Variants in IFFO2 observed in about 807,000 individuals in gnomAD.
IFFO2 encodes the protein intermediate filament family orphan 2.
IFFO2 carries 19 observed loss-of-function variants against 53.5 expected under a neutral mutation model. That is an observed-to-expected ratio of 0.36 (90% CI 0.25 to 0.52). The LOEUF is 0.52. Ranked by LOEUF, IFFO2 falls within the 20% of genes least tolerant of loss-of-function variation. The pLI is 0.94. For missense variants in IFFO2, 570 were observed against 727.4 expected (o/e 0.78, Z 2.49); for synonymous variants, 303 against 313.6 (o/e 0.97, Z 0.36).
rs937659143 is a variant in IFFO2 at position 18,955,781 on chromosome 1, C to T, written c.552G>A (p.Ser184=). Residue 184 remains serine, a synonymous_variant, in exon 1 of 9, where the codon TCG becomes TCA. Transcript: ENST00000455833. ...CGCCCACGCCGTCGGGGTGCACCCA[C>T]GACACGCCGGGGCCCTGCACGGTCT... ...GVETVQGPGV[S]WVHPDGVGVQ... 4.5e-6 allele frequency: 7 copies of T among 1,550,970 alleles called. No homozygotes were observed. The East Asian group carries it at 1.7e-4, about 38-fold the overall frequency.
At chr1:18,926,304 C>T (rs968970299) in intron 1 of IFFO2, among the ~76,000 whole-genome samples, 1 of 152,194 alleles carries the variant, frequency 6.6e-6, no homozygotes, top group Admixed American at 6.5e-5. Context: ...TTCATCCATT[C>T]GGCTCCAGAG....
intron 1 of IFFO2, among the ~76,000 whole-genome samples, chr1:18,953,173 C>T (rs896574726): frequency 9.9e-5 from 15 of 152,200 alleles, no homozygotes; most frequent in Admixed American, 9.8e-4. Context: ...AGGCAGACAC[C>T]TGGGTCTCAT....
chr1:18,943,400 T>C (rs1360464279), intron 1 of IFFO2, among the ~76,000 whole-genome samples: 1 of 151,992 alleles, frequency 6.6e-6, no homozygotes, highest in African/African-American at 2.4e-5. Flanking sequence ...TCTTTCCATA[T>C]AAAAACATGT....
intron 1 of IFFO2, among the ~76,000 whole-genome samples, chr1:18,924,490 G>A (rs1259197045): frequency 6.6e-6 from 1 of 152,238 alleles, no homozygotes; most frequent in Non-Finnish European, 1.5e-5. Context: ...CTGCCACCAA[G>A]AGGCGGGTGC....
chr1:18,911,543 A>ATTTC, intron 6 of IFFO2, 67 bp from the exon 7 acceptor site: 1 of 729,636 alleles, frequency 1.4e-6, no homozygotes, highest in Non-Finnish European at 1.9e-6. Context: ...TTATTTATTT[A>ATTTC]TTTATTTATT....
chr1:18,913,893 C>CAT (rs1557638702), intron 5 of IFFO2, among the ~76,000 whole-genome samples: 1 of 152,122 alleles, frequency 6.6e-6, no homozygotes, highest in Non-Finnish European at 1.5e-5. Context: ...TGCAGTGGTG[C>CAT]GATCTCGGCT....
rs1935913107 is a variant in IFFO2, at chr1:18,904,363, C to T, written c.*4198G>A. ...ATGATATTTACAACAGTACAGTAAA[C>T]AGGTTGGTTTCCGGTAGGATCAGTA... On this transcript the variant is annotated 3_prime_UTR_variant, in exon 9 of 9. Coordinates refer to ENST00000455833, the MANE Select transcript of IFFO2 (RefSeq NM_001136265.2). 6.6e-6 allele frequency: 1 copy of T among 152,154 alleles called. No individual in the cohort carries two copies. Among genetic ancestry groups the T allele is most frequent in the African/African-American group, 2.4e-5 (1 of 41,400 alleles). The allele number at this position is 152,154 out of a possible 1,614,324, so 9.4% of individuals were successfully genotyped here.
At chr1:18,909,895 G>A (rs1936009207) in intron 8 of IFFO2, among the ~76,000 whole-genome samples, 1 of 152,156 alleles carries the variant, frequency 6.6e-6, no homozygotes, top group Non-Finnish European at 1.5e-5. Flanking sequence ...ACCACGCCCA[G>A]CCTCAGGCAA....
rs138315759 is a variant in IFFO2, at chr1:18,945,310, C to T, written c.665+10358G>A. On this transcript the variant is annotated intron_variant, in intron 1 of 8. Transcript: ENST00000455833. ...CTTTCCCTAAATCTTCCACTACCAC[C>T]CCCCAAGATGGCCTTCTGCCTATTG... 1.4e-3 allele frequency among the ~76,000 whole-genome samples: 209 copies of T among 152,160 alleles called. 4 individuals carry two copies. In the East Asian group the frequency reaches 0.038, roughly 28 times the overall value.
In IFFO2 at chr1:18,917,013, C is replaced by T; in HGVS notation, c.993G>A (p.Val331=). Residue 331 remains valine, a synonymous_variant, in exon 5 of 9, where the codon GTG becomes GTA. Transcript: ENST00000455833. This position sits in a 1 kb window ranked among gnomAD's most constrained non-coding sequence, Gnocchi z 5.9. ...GCTCAGAGATGTCATCATCGGAAGCCACCTTACGCTCTTTCTTTTTGGGGA... is the reference window on the plus strand; with the variant it reads ...GCTCAGAGATGTCATCATCGGAAGCTACCTTACGCTCTTTCTTTTTGGGGA... ...QVVPKKKERK[V]ASDDDISEQD... is the part of the protein sequence containing the mutation. 6.4e-6 allele frequency: 10 copies of T among 1,552,300 alleles called. No homozygotes were observed. The highest frequency in any genetic ancestry group is 7.8e-6 in the Non-Finnish European group (9 of 1,147,136).
At position 18,956,279 on chromosome 1, in the gene IFFO2, C is replaced by G; in HGVS notation, c.54G>C (p.Pro18=). ...CAGGGCAGCCCCCGCCGCCGCCGCC[C>G]GGCGGGCAGCCGAAGGCCAAGGCCA... is the stretch of plus-strand genomic sequence containing the variant. ...GEMALAFGCP[P]GGGGGGCPGG... is the part of the protein sequence containing the mutation. Residue 18 remains proline (P), a synonymous_variant, in exon 1 of 9, where the codon CCG becomes CCC. Transcript: ENST00000455833. The surrounding 1 kb of genome is among the most constrained non-coding windows in gnomAD (Gnocchi z 6.4). The G allele has an allele frequency of 1.3e-6, 1 of 798,090 alleles. No individual in the cohort carries two copies. The highest frequency in any genetic ancestry group is 1.6e-6 in the Non-Finnish European group (1 of 636,656). 49.4% of individuals were successfully genotyped at this position (798,090 alleles called of 1,614,324 possible).
rs1046240976 is a variant in IFFO2 at position 18,917,745 on chromosome 1, G to A, written c.963+617C>T. ...CGGAGAATGACATGTGCCTCATTCG[G>A]CTGGACTGGCCCCCCAAGCCCTCTC... On this transcript the variant is annotated intron_variant, in intron 4 of 8. Coordinates refer to ENST00000455833, the MANE Select transcript of IFFO2 (RefSeq NM_001136265.2). This position sits in a 1 kb window ranked among gnomAD's most constrained non-coding sequence, Gnocchi z 5.9. Among the ~76,000 whole-genome samples the A allele has an allele frequency of 2.0e-5, 3 of 151,932 alleles. No individual in the cohort carries two copies. The highest frequency in any genetic ancestry group is 6.5e-5 in the Admixed American group (1 of 15,276).
At chr1:18,951,257 G>A (rs776723074) in intron 1 of IFFO2, among the ~76,000 whole-genome samples, 2 of 152,138 alleles carry the variant, frequency 1.3e-5, no homozygotes, top group Admixed American at 1.3e-4. Context: ...ACTGTCCCCC[G>A]AGTCTCCCAA....
rs937918475 is a variant in IFFO2 at position 18,950,540 on chromosome 1, C to G, written c.665+5128G>C. ...GCCAAGCCACTTGCCCATGTTCACA[C>G]AGACAGTGGCAGAGCCAGGATGCAA... On this transcript the variant is annotated intron_variant, in intron 1 of 8. Coordinates refer to ENST00000455833, the MANE Select transcript of IFFO2 (RefSeq NM_001136265.2). Among the ~76,000 whole-genome samples the G allele has an allele frequency of 2.6e-5, 4 of 152,232 alleles. No homozygotes were observed. The East Asian group carries it at 7.7e-4, about 29-fold the overall frequency.
intron 1 of IFFO2, among the ~76,000 whole-genome samples, chr1:18,929,689 G>A (rs28444702): frequency 1.2e-4 from 17 of 147,306 alleles, no homozygotes; most frequent in East Asian, 3.9e-4. Context: ...GGGAAAGAAC[G>A]GCAAGCCCCT....
intron 5 of IFFO2, among the ~76,000 whole-genome samples, chr1:18,915,882 TG>T (rs771330843): frequency 1.3e-5 from 2 of 152,116 alleles, no homozygotes; most frequent in Non-Finnish European, 2.9e-5. Context: ...CCCAGCACTT[TG>T]GGAGGCAGAG....
chr1:18,918,799 G>A lies in IFFO2; in HGVS notation c.823-297C>T, dbSNP rs577525841. On this transcript the variant is annotated intron_variant, in intron 3 of 8. Coordinates refer to ENST00000455833, the MANE Select transcript of IFFO2 (RefSeq NM_001136265.2). This position sits in a 1 kb window ranked among gnomAD's most constrained non-coding sequence, Gnocchi z 5.2. ...GGGTCCGTGTTCACTTTGTTAGAGC[G>A]AAGAAAAAAGACAACTCCCGCTGGA... is the stretch of plus-strand genomic sequence containing the variant. 7.2e-5 allele frequency among the ~76,000 whole-genome samples: 11 copies of A among 152,156 alleles called. No individual in the cohort carries two copies. The highest frequency in any genetic ancestry group is 6.5e-5 in the Admixed American group (1 of 15,292).
rs2148196583 is a variant in IFFO2, at chr1:18,956,159, C to A, written c.174G>T (p.Lys58Asn). 2 of 1,487,510 alleles carry A rather than the reference C, an allele frequency of 1.3e-6. No individual in the cohort carries two copies. The highest frequency in any genetic ancestry group is 2.8e-5 in the East Asian group (1 of 36,080). The allele number at this position is 1,487,510 out of a possible 1,614,324, so 92.1% of individuals were successfully genotyped here. A position where few individuals can be genotyped will look rare whatever the true frequency, so the allele number is the denominator to read the frequency against. ...AGCAGCGGAAGCGCACGTTGAGCCC[C>A]TTCAAGAGGTGGATGTTGGAGCCCA... is the stretch of plus-strand genomic sequence containing the variant. ...DDLGSNIHLL[K>N]GLNVRFRCFL... is the part of the protein sequence containing the mutation. Residue 58 changes from lysine (K) to asparagine (N), a missense_variant, in exon 1 of 9, where the codon AAG (lysine) becomes AAT (asparagine). By Grantham distance (94) the Lys-to-Asn change is moderately conservative. Coordinates refer to ENST00000455833, the MANE Select transcript of IFFO2 (RefSeq NM_001136265.2). The surrounding 1 kb of genome is among the most constrained non-coding windows in gnomAD (Gnocchi z 6.4).
At chr1:18,942,458 A>G (rs1171717216) in intron 1 of IFFO2, among the ~76,000 whole-genome samples, 1 of 152,192 alleles carries the variant, frequency 6.6e-6, no homozygotes, top group Non-Finnish European at 1.5e-5. Flanking sequence ...GGCCAGCAGC[A>G]CACGTAGCAC....
Sources: allele counts gnomAD v4.1 joint callset (sites outside exome capture counted in the v4.1 genomes callset), GRCh38; gene constraint gnomAD v4.1.1; non-coding constraint Gnocchi (gnomAD v3.1); transcripts MANE v1.5; gene names NCBI Gene and HGNC (gene_info 2026-07-23, HGNC 2026-07-21).